The following ADH1A variants were observed in gnomAD, a reference collection of about 807,000 sequenced individuals.
The protein encoded by ADH1A is alcohol dehydrogenase 1A (class I), alpha polypeptide.
Under a neutral mutation model 35.2 loss-of-function variants are expected in ADH1A, and 29 were observed. The ratio of observed to expected loss-of-function variants is 0.82; its 90% CI spans 0.61 to 1.12. The LOEUF (loss-of-function observed/expected upper bound fraction) is 1.12, where lower values mean the gene tolerates loss of function less well. Ranked by LOEUF, ADH1A falls within the 50% of genes most tolerant of loss-of-function variation. The pLI is 0.00. For synonymous variants in ADH1A, 147 were observed against 164.8 expected, an observed-to-expected ratio of 0.89 and a Z score of 0.83; for missense variants, 469 against 464.7, an observed-to-expected ratio of 1.01 and a Z score of -0.09.
chr4:99,283,472 C>CCA (rs1560517970), intron 5 of ADH1A, among the ~76,000 whole-genome samples: 31 of 113,156 alleles, frequency 2.7e-4, no homozygotes, highest in South Asian at 1.0e-3. Context: ...TTAAGGGTGT[C>CCA]TATTCATTCA....
chr4:99,277,180 C>T (rs928145548), intron 8 of ADH1A, among the ~76,000 whole-genome samples: 1 of 151,770 alleles, frequency 6.6e-6, no homozygotes, highest in East Asian at 1.9e-4. Context: ...CAAATTTGCA[C>T]AAATTATAAG....
At chr4:99,290,580 CATT>C (rs1302484804) in intron 1 of ADH1A, among the ~76,000 whole-genome samples, 4 of 152,056 alleles carry the variant, frequency 2.6e-5, no homozygotes, top group Admixed American at 2.6e-4. Context: ...TGATGAAAGA[CATT>C]TCTAACTTTG....
rs760568338 is a variant in ADH1A, at chr4:99,284,804, CTGGAG to C, written c.260-6_260-2del. On this transcript the variant is annotated splice_acceptor_variant and splice_polypyrimidine_tract_variant and intron_variant, in intron 3 of 8. Transcript: ENST00000209668. LOFTEE classifies it high-confidence loss of function. The stretch of plus-strand genomic sequence containing the variant: ...ATAGCGAGTGGGATGACTTTATCAC[CTGGAG>C]AGGGATAAAACAAATTCTTTTACAA... 1.9e-6 allele frequency: 3 copies of C among 1,613,222 alleles called. No homozygotes were observed. The African/African-American group carries it at 4.0e-5, about 22-fold the overall frequency.
chr4:99,279,444 A>T lies in ADH1A; in HGVS notation c.1085T>A (p.Leu362Gln). 7 of 1,602,808 alleles carry T rather than the reference A, an allele frequency of 4.4e-6. No homozygotes were observed. Among genetic ancestry groups the T allele is most frequent in the Non-Finnish European group, 5.9e-6 (7 of 1,177,016 alleles). The change falls in exon 8 of 9, where the codon CTG becomes CAG. Residue 362 changes from leucine (L) to glutamine (Q), a missense_variant. Transcript: ENST00000209668. ...PFEKINEGFD[L>Q]LHSGKSIRTI... ...AATCTACCTTTTCCCAGAGTGAAGC[A>T]GGTCAAATCCTTCATTTATTTTTTC...
Position 99,282,509 on chromosome 4 carries a change from G to A in ADH1A, c.665C>T (p.Ala222Val), listed in dbSNP as rs781090973. The change falls in exon 6 of 9, where the codon GCG (alanine) becomes GTG (valine). Residue 222 changes from alanine (A) to valine (V), a missense_variant. Transcript: ENST00000209668. ...CKAAGAARII[A>V]VDINKDKFAK... ...AAATTTGTCCTTGTTGATGTCCACCGCAATGATTCTGGCTGCCCCAGCTGC... is the reference window on the plus strand; with the variant it reads ...AAATTTGTCCTTGTTGATGTCCACCACAATGATTCTGGCTGCCCCAGCTGC... 8.7e-6 allele frequency: 14 copies of A among 1,614,002 alleles called. No individual in the cohort carries two copies. The highest frequency in any genetic ancestry group is 1.3e-5 in the African/African-American group (1 of 74,916).
intron 6 of ADH1A, 41 bp from the exon 7 acceptor site, chr4:99,280,320 G>T (rs28364330): frequency 7.4e-6 from 12 of 1,611,036 alleles, no homozygotes; most frequent in Non-Finnish European, 1.0e-5. Context: ...ACATGGAGTC[G>T]CATAGTTCCT....
chr4:99,289,225 G>A (rs543487961), intron 1 of ADH1A, among the ~76,000 whole-genome samples: 14 of 152,220 alleles, frequency 9.2e-5, no homozygotes, highest in South Asian at 8.3e-4. Flanking sequence ...TTGTCGATGG[G>A]CATTTAGGTC....
Position 99,280,026 on chromosome 4 carries a change from A to G in ADH1A, c.964+118T>C, listed in dbSNP as rs555866298. On this transcript the variant is annotated intron_variant, in intron 7 of 8. Transcript: ENST00000209668. Reference sequence around the variant, plus strand: ...TATCTAGTTGATTTGGAGACTGTAGATAGAAAAGGAATTTTAATTTGTTTT... The same window carrying G: ...TATCTAGTTGATTTGGAGACTGTAGGTAGAAAAGGAATTTTAATTTGTTTT... 4.2e-6 allele frequency: 6 copies of G among 1,434,546 alleles called. No individual in the cohort carries two copies. In the South Asian group the frequency reaches 5.8e-5, roughly 14 times the overall value. The allele number at this position is 1,434,546 out of a possible 1,614,324, so 88.9% of individuals were successfully genotyped here.
At chr4:99,277,195 TA>T in intron 8 of ADH1A, among the ~76,000 whole-genome samples, 1 of 152,056 alleles carries the variant, frequency 6.6e-6, no homozygotes, top group Non-Finnish European at 1.5e-5. Flanking sequence ...TATAAGATGA[TA>T]AATAACTTGC....
chr4:99,277,518 A>G (rs1732899191), intron 8 of ADH1A, among the ~76,000 whole-genome samples: 1 of 152,110 alleles, frequency 6.6e-6, no homozygotes. Context: ...TTCAGAGAAT[A>G]CAAGACAGCA....
chr4:99,281,587 CA>C (rs1733002862), intron 6 of ADH1A, among the ~76,000 whole-genome samples: 1 of 152,142 alleles, frequency 6.6e-6, no homozygotes, highest in African/African-American at 2.4e-5. Flanking sequence ...GCCTAAGTGA[CA>C]GAGTGAGACC....
chr4:99,283,747 C>T (rs938295443), intron 5 of ADH1A, among the ~76,000 whole-genome samples: 3 of 152,138 alleles, frequency 2.0e-5, no homozygotes, highest in Non-Finnish European at 4.4e-5. Context: ...TTTCAGCCTA[C>T]TCAGATAAGA....
chr4:99,276,771 C>G (rs952913096), intron 8 of ADH1A, 123 bp from the exon 9 acceptor site: 1 of 896,380 alleles, frequency 1.1e-6, no homozygotes, highest in Non-Finnish European at 1.8e-6. Flanking sequence ...ATCCCACCCC[C>G]ATGCATTCGG....
In ADH1A at chr4:99,283,954, T is replaced by C. The variant is rs548250372; in HGVS notation, c.567+445A>G. 2.0e-5 allele frequency among the ~76,000 whole-genome samples: 3 copies of C among 152,308 alleles called. No homozygotes were observed. The East Asian group carries it at 5.8e-4, about 29-fold the overall frequency. ...GTGCATCAGGTAAGGTTTTGGACTC[T>C]ACTGTTGTTGATCCTAATTCTGGGA... On this transcript the variant is annotated intron_variant, in intron 5 of 8. Transcript: ENST00000209668.
chr4:99,287,066 C>T (rs1362134571), intron 2 of ADH1A, 78 bp from the exon 3 acceptor site: 7 of 1,531,178 alleles, frequency 4.6e-6, no homozygotes, highest in Non-Finnish European at 6.2e-6. Context: ...CCTGAAATTG[C>T]GCTTCCAAAA....
intron 6 of ADH1A, chr4:99,282,034 T>A: frequency 2.5e-6 from 1 of 392,580 alleles, no homozygotes; most frequent in Non-Finnish European, 4.6e-6. Context: ...ACAGAACTTG[T>A]ATTATTTATG....
intron 8 of ADH1A, among the ~76,000 whole-genome samples, chr4:99,277,206 C>G (rs572438635): frequency 6.6e-6 from 1 of 151,848 alleles, no homozygotes; most frequent in African/African-American, 2.4e-5. Context: ...AAATAACTTG[C>G]CTGAAAGAAC....
rs1732875558 is a variant in ADH1A at position 99,276,668 on chromosome 4, A to T, written c.1104-20T>A. 6.2e-7 allele frequency: 1 copy of T among 1,606,704 alleles called. No homozygotes were observed. The highest frequency in any genetic ancestry group is 1.3e-5 in the African/African-American group (1 of 74,734). ...CGGATACTGCAATAGGAAAGAAGAG[A>T]CATTGTATTAGCATTTAGACATGCT... On this transcript the variant is annotated intron_variant, in intron 8 of 8. Transcript: ENST00000209668.
At position 99,276,587 on chromosome 4, in the gene ADH1A, G is replaced by A. The variant is rs768651747; in HGVS notation, c.*37C>T. On this transcript the variant is annotated 3_prime_UTR_variant, in exon 9 of 9. Coordinates refer to ENST00000209668, the MANE Select transcript of ADH1A (RefSeq NM_000667.4). ...CTCCAGATCATGTAGGGTAGAGGAGGCTGAAGACTGCCACAAGGGAAAACA... is the reference window on the plus strand; with the variant it reads ...CTCCAGATCATGTAGGGTAGAGGAGACTGAAGACTGCCACAAGGGAAAACA... 6.3e-7 allele frequency: 1 copy of A among 1,583,626 alleles called. No individual in the cohort carries two copies. The highest frequency in any genetic ancestry group is 1.1e-5 in the South Asian group (1 of 90,416).
Sources: allele counts gnomAD v4.1 joint callset (sites outside exome capture counted in the v4.1 genomes callset), GRCh38; gene constraint gnomAD v4.1.1; transcripts MANE v1.5; gene names NCBI Gene and HGNC (gene_info 2026-07-23, HGNC 2026-07-21).